Variants in NCKAP5L observed in about 807,000 individuals in gnomAD.
The protein encoded by NCKAP5L is NCK associated protein 5 like.
In NCKAP5L, 54 loss-of-function variants were observed where a neutral mutation model predicts 103.2. The observed-to-expected ratio is 0.52, with a 90% CI of 0.42 to 0.66. The LOEUF (loss-of-function observed/expected upper bound fraction) is 0.66. Among genes scored for constraint, NCKAP5L ranks in the 30% least tolerant of loss-of-function variants. The pLI is 0.00. For synonymous variants in NCKAP5L, 762 were observed against 748.6 expected, an observed-to-expected ratio of 1.02 and a Z score of -0.29; for missense variants, 1,733 against 1,750.6, an observed-to-expected ratio of 0.99 and a Z score of 0.18.
Position 49,804,011 on chromosome 12 carries a change from G to T in NCKAP5L, c.34C>A (p.Pro12Thr). Reference protein sequence around the residue: ...SEAMDQPAGGPGNPRPGEGDD... With the variant: ...SEAMDQPAGGTGNPRPGEGDD... ...CCCTCTCCTGGCCTTGGGTTTCCAG[G>T]ACCCCCAGCTGGCTGGTCCATGGCC... Residue 12 changes from proline (P) to threonine (T), a missense_variant, in exon 3 of 13, where the codon CCT (proline) becomes ACT (threonine). By Grantham distance (38) the Pro-to-Thr change is conservative. Transcript: ENST00000335999. 1 of 1,612,116 alleles carries T rather than the reference G, an allele frequency of 6.2e-7. No homozygotes were observed. Among genetic ancestry groups the T allele is most frequent in the South Asian group, 1.1e-5 (1 of 91,068 alleles).
chr12:49,798,258 G>T, intron 7 of NCKAP5L, 92 bp downstream of exon 7: 2 of 1,218,982 alleles, frequency 1.6e-6, no homozygotes, highest in Non-Finnish European at 2.4e-6. Flanking sequence ...TTCCAGCCTG[G>T]ACAAACGTCT....
chr12:49,795,773 C>T lies in NCKAP5L; in HGVS notation c.2087G>A (p.Arg696Gln), dbSNP rs763137051. The T allele has an allele frequency of 1.2e-5, 19 of 1,586,578 alleles. No homozygotes were observed. Among genetic ancestry groups the T allele is most frequent in the South Asian group, 1.0e-4 (9 of 87,328 alleles). Residue 696 changes from arginine to glutamine, a missense_variant, in exon 8 of 13, where the codon CGG becomes CAG. Transcript: ENST00000335999. ...VPARPGTEKT[R>Q]GPGKSGESAG... ...ACTCTCCCCTGACTTCCCAGGTCCCCGGGTCTTTTCGGTGCCAGGCCTGGC... is the reference window on the plus strand; with the variant it reads ...ACTCTCCCCTGACTTCCCAGGTCCCTGGGTCTTTTCGGTGCCAGGCCTGGC...
At chr12:49,812,787 T>C (rs1946255144) in intron 1 of NCKAP5L, among the ~76,000 whole-genome samples, 1 of 152,220 alleles carries the variant, frequency 6.6e-6, no homozygotes, top group South Asian at 2.1e-4. Context: ...TTAGCTATTA[T>C]GAATATTGCT....
At chr12:49,814,160 T>TTTTA (rs1482002006) in intron 1 of NCKAP5L, among the ~76,000 whole-genome samples, 33 of 124,648 alleles carry the variant, frequency 2.6e-4, no homozygotes, top group African/African-American at 1.0e-3. Flanking sequence ...TATTTTATAT[T>TTTTA]TATATATATA....
chr12:49,794,631 C>T (rs776182354), intron 8 of NCKAP5L, 134 bp downstream of exon 8: 68 of 592,066 alleles, frequency 1.1e-4, no homozygotes, highest in Non-Finnish European at 1.5e-4. Context: ...CTTTGGTGGC[C>T]TTCTATCCCT....
At chr12:49,824,381 G>A (rs925499873) in intron 1 of NCKAP5L, among the ~76,000 whole-genome samples, 2 of 151,802 alleles carry the variant, frequency 1.3e-5, no homozygotes, top group African/African-American at 4.9e-5. Context: ...AGATCAAGAA[G>A]AGTCAAGAAA....
intron 1 of NCKAP5L, among the ~76,000 whole-genome samples, chr12:49,814,767 T>C (rs1946279728): frequency 6.6e-6 from 1 of 152,238 alleles, no homozygotes; most frequent in African/African-American, 2.4e-5. Context: ...ATATGGATCT[T>C]ATCCGTTTTT....
At chr12:49,809,565 C>T (rs140846188) in intron 1 of NCKAP5L, among the ~76,000 whole-genome samples, 2,156 of 152,248 alleles carry the variant, frequency 0.014, 16 homozygotes, top group Non-Finnish European at 0.023. Context: ...CGCTTCCCTC[C>T]GCACCCTCCC....
chr12:49,793,703 C>G (rs186351279), intron 9 of NCKAP5L, 31 bp downstream of exon 9: 2 of 1,518,112 alleles, frequency 1.3e-6, no homozygotes, highest in African/African-American at 1.4e-5. Flanking sequence ...AGAGCCAGGC[C>G]GTCCACCCAG....
intron 1 of NCKAP5L, among the ~76,000 whole-genome samples, chr12:49,814,658 T>C (rs1160138609): frequency 6.6e-6 from 1 of 152,108 alleles, no homozygotes; most frequent in Non-Finnish European, 1.5e-5. Context: ...TTACTTTATG[T>C]ATAAATACAT....
At chr12:49,813,729 T>C (rs376977568) in intron 1 of NCKAP5L, among the ~76,000 whole-genome samples, 2 of 152,150 alleles carry the variant, frequency 1.3e-5, no homozygotes, top group East Asian at 3.9e-4. Context: ...GGTTTCACCA[T>C]GTTGGCCAGG....
chr12:49,825,371 G>A (rs1000902007), intron 1 of NCKAP5L, among the ~76,000 whole-genome samples: 1 of 152,232 alleles, frequency 6.6e-6, no homozygotes, highest in African/African-American at 2.4e-5. Flanking sequence ...AACTGGGGGA[G>A]GGGGCTGAGA....
At chr12:49,812,274 A>G (rs796337824) in intron 1 of NCKAP5L, among the ~76,000 whole-genome samples, 4 of 152,232 alleles carry the variant, frequency 2.6e-5, no homozygotes, top group African/African-American at 7.2e-5. Flanking sequence ...TGTGAATTCA[A>G]TCATATCATT....
Position 49,795,177 on chromosome 12 carries a change from C to T in NCKAP5L, c.2683G>A (p.Val895Met), listed in dbSNP as rs538470198. 15 of 1,603,330 alleles carry T rather than the reference C, an allele frequency of 9.4e-6. No homozygotes were observed. The highest frequency in any genetic ancestry group is 3.5e-5 in the Admixed American group (2 of 56,894). Reference protein sequence around the residue: ...EKVMKGIEENVLRLQGQERAP... With the variant: ...EKVMKGIEENMLRLQGQERAP... ...CGCTCCTGGCCCTGGAGCCGCAGCACGTTCTCCTCAATGCCCTTCATCACC... is the reference window on the plus strand; with the variant it reads ...CGCTCCTGGCCCTGGAGCCGCAGCATGTTCTCCTCAATGCCCTTCATCACC... The change falls in exon 8 of 13, where the codon GTG becomes ATG. Residue 895 changes from valine (V) to methionine (M), a missense_variant. By Grantham distance (21) the Val-to-Met change is conservative. Transcript: ENST00000335999.
Position 49,792,006 on chromosome 12 carries a change from A to G in NCKAP5L, c.3838T>C (p.Ser1280Pro). Residue 1280 changes from serine (S) to proline (P), a missense_variant, in exon 13 of 13, where the codon TCC becomes CCC. By Grantham distance (74) the Ser-to-Pro change is moderately conservative. Transcript: ENST00000335999. The surrounding 1 kb of genome is among the most constrained non-coding windows in gnomAD (Gnocchi z 4.5). ...RKRSQEPSRP[S>P]PTPQGPPFGG... ...AAAGGTGGGCCCTGGGGCGTAGGGGACGGGCGGCTGGGCTCCTGGCTTCGC... is the reference window on the plus strand; with the variant it reads ...AAAGGTGGGCCCTGGGGCGTAGGGGGCGGGCGGCTGGGCTCCTGGCTTCGC... 2 of 1,580,160 alleles carry G rather than the reference A, an allele frequency of 1.3e-6. No individual in the cohort carries two copies. Among genetic ancestry groups the G allele is most frequent in the Non-Finnish European group, 1.7e-6 (2 of 1,163,574 alleles).
At chr12:49,815,997 G>A (rs1304749312) in intron 1 of NCKAP5L, among the ~76,000 whole-genome samples, 35 of 152,160 alleles carry the variant, frequency 2.3e-4, no homozygotes, top group Admixed American at 2.2e-3. Context: ...AACCCTCAAA[G>A]CTCTGCCTTT....
intron 1 of NCKAP5L, among the ~76,000 whole-genome samples, chr12:49,812,031 T>G (rs1946245592): frequency 6.6e-6 from 1 of 152,204 alleles, no homozygotes; most frequent in Non-Finnish European, 1.5e-5. Flanking sequence ...TCCTGGACTT[T>G]TTTTTAAGCT....
In NCKAP5L at chr12:49,793,601, C is replaced by T; in HGVS notation, c.3258+133G>A. On this transcript the variant is annotated intron_variant, in intron 9 of 12. Coordinates refer to ENST00000335999, the MANE Select transcript of NCKAP5L (RefSeq NM_001037806.4). ...AGACTGGGAAGCCCCTCTCCCCTCCCCAGTCTCCCCGTAGAGACTGTGAGT... is the reference window on the plus strand; with the variant it reads ...AGACTGGGAAGCCCCTCTCCCCTCCTCAGTCTCCCCGTAGAGACTGTGAGT... 3.1e-6 allele frequency: 4 copies of T among 1,300,758 alleles called. No homozygotes were observed. The South Asian group carries it at 4.5e-5, about 15-fold the overall frequency. The allele number at this position is 1,300,758 out of a possible 1,614,324, so 80.6% of individuals were successfully genotyped here. A position where few individuals can be genotyped will look rare whatever the true frequency, so the allele number is the denominator to read the frequency against.
At chr12:49,818,360 T>C (rs1946323406) in intron 1 of NCKAP5L, among the ~76,000 whole-genome samples, 2 of 152,078 alleles carry the variant, frequency 1.3e-5, no homozygotes, top group South Asian at 4.1e-4. Context: ...GAGAAAATGT[T>C]TGTAAACCAC....
Sources: allele counts gnomAD v4.1 joint callset (sites outside exome capture counted in the v4.1 genomes callset), GRCh38; gene constraint gnomAD v4.1.1; non-coding constraint Gnocchi (gnomAD v3.1); transcripts MANE v1.5; gene names NCBI Gene and HGNC (gene_info 2026-07-23, HGNC 2026-07-21).